Variants in ASTN1 observed in about 807,000 individuals in gnomAD.
ASTN1 encodes astrotactin-1.
ASTN1 carries 41 observed loss-of-function variants against 140.7 expected under a neutral mutation model. The ratio of observed to expected loss-of-function variants is 0.29; its 90% confidence interval spans 0.23 to 0.38. ASTN1 has a LOEUF of 0.38. Among genes scored for constraint, ASTN1 ranks in the 10% least tolerant of loss-of-function variants. The pLI is 1.00. For missense variants in ASTN1, 1,479 were observed against 1,678.8 expected (o/e 0.88, Z 2.08); for synonymous variants, 640 against 652.2 (o/e 0.98, Z 0.29).
At chr1:176,910,152 A>C (rs1169747131) in intron 16 of ASTN1, among the ~76,000 whole-genome samples, 2 of 152,238 alleles carry the variant, frequency 1.3e-5, no homozygotes, top group Non-Finnish European at 2.9e-5. Context: ...TATATTTCCA[A>C]ATTTCTGAGT....
chr1:177,034,598 C>A (rs113348334), intron 2 of ASTN1, among the ~76,000 whole-genome samples: 11 of 152,214 alleles, frequency 7.2e-5, no homozygotes, highest in African/African-American at 1.9e-4. Flanking sequence ...CTCCTGGGAC[C>A]CCCCAGAACA....
At position 177,030,881 on chromosome 1, in the gene ASTN1, A is replaced by C. The variant is rs201743279; in HGVS notation, c.937T>G (p.Ser313Ala). Residue 313 changes from serine (S) to alanine (A), a missense_variant, in exon 4 of 23, where the codon TCC becomes GCC. Ser to Ala is a moderately conservative substitution (Grantham distance 99). Transcript: ENST00000361833. ...DNIIATSPVD[S>A]NHQQATLLSH... ...AGAAGGGTGGCTTGCTGGTGGTTGG[A>C]GTCCACAGGGCTAGTGGCTATAATA... 210 of 1,614,146 alleles carry C rather than the reference A, an allele frequency of 1.3e-4. No individual in the cohort carries two copies. The highest frequency in any genetic ancestry group is 3.3e-4 in the Middle Eastern group (2 of 6,062).
At chr1:177,122,321 C>T (rs985672836) in intron 1 of ASTN1, among the ~76,000 whole-genome samples, 4 of 152,196 alleles carry the variant, frequency 2.6e-5, no homozygotes, top group South Asian at 2.1e-4. Flanking sequence ...GAGCACGATG[C>T]CACCCAAAAC....
chr1:177,115,693 A>G (rs1391680168), intron 1 of ASTN1, among the ~76,000 whole-genome samples: 2 of 151,542 alleles, frequency 1.3e-5, no homozygotes, highest in African/African-American at 4.8e-5. Context: ...TAAATAAATA[A>G]ATAAATGTCA....
At chr1:176,866,772 G>A (rs576901233) in intron 22 of ASTN1, among the ~76,000 whole-genome samples, 4 of 152,262 alleles carry the variant, frequency 2.6e-5, no homozygotes, top group Non-Finnish European at 5.9e-5. Flanking sequence ...TCAATCTGGA[G>A]GCGTCATCAA....
chr1:176,989,795 T>C (rs1478639225), intron 8 of ASTN1, among the ~76,000 whole-genome samples: 1 of 152,124 alleles, frequency 6.6e-6, no homozygotes, highest in African/African-American at 2.4e-5. Flanking sequence ...CATTTCATAA[T>C]GTTGAGCTTC....
intron 1 of ASTN1, among the ~76,000 whole-genome samples, chr1:177,110,294 A>G (rs1381455181): frequency 6.6e-6 from 1 of 152,260 alleles, no homozygotes; most frequent in Non-Finnish European, 1.5e-5. Flanking sequence ...TCAAACAAGG[A>G]CTAAGTTAGA....
At chr1:176,988,866 T>C (rs1450248281) in intron 8 of ASTN1, among the ~76,000 whole-genome samples, 3 of 152,240 alleles carry the variant, frequency 2.0e-5, no homozygotes, top group African/African-American at 7.2e-5. Context: ...ATTTAATGTT[T>C]CTACATATAT....
intron 16 of ASTN1, among the ~76,000 whole-genome samples, chr1:176,910,040 AC>A: frequency 6.6e-6 from 1 of 152,318 alleles, no homozygotes; most frequent in African/African-American, 2.4e-5. Flanking sequence ...TGTGCATGCA[AC>A]CATCCCCCAA....
chr1:176,954,538 T>C (rs1341231986), intron 11 of ASTN1, among the ~76,000 whole-genome samples: 1 of 152,204 alleles, frequency 6.6e-6, no homozygotes. Context: ...TCAATAAATA[T>C]GTGTAACTTA....
At chr1:177,114,767 A>T (rs2102164044) in intron 1 of ASTN1, among the ~76,000 whole-genome samples, 1 of 152,306 alleles carries the variant, frequency 6.6e-6, no homozygotes, top group Non-Finnish European at 1.5e-5. Context: ...TGCCACAAAC[A>T]TATACCTTTT....
At chr1:176,952,013 C>A (rs890767793) in intron 11 of ASTN1, among the ~76,000 whole-genome samples, 4 of 152,096 alleles carry the variant, frequency 2.6e-5, no homozygotes, top group Non-Finnish European at 5.9e-5. Context: ...GATCAGACTT[C>A]GGGCCTAGAT....
rs928305031 is a variant in ASTN1 at position 177,024,584 on chromosome 1, A to G, written c.1269T>C (p.Asp423=). ...TLHVPEHLIA[D]GSRFILLEGS... ...GCATCCTCAGAAGAACAGGCTCACC[A>G]TCAGCAATCAGGTGCTCAGGGACAT... Residue 423 remains aspartate, a splice_region_variant and synonymous_variant, in exon 6 of 23, where the codon GAT becomes GAC. Transcript: ENST00000361833. 2.5e-6 allele frequency: 4 copies of G among 1,613,848 alleles called. No homozygotes were observed. The Admixed American group carries it at 6.7e-5, about 27-fold the overall frequency.
chr1:176,923,381 G>A (rs1670821371), intron 16 of ASTN1, among the ~76,000 whole-genome samples: 1 of 152,122 alleles, frequency 6.6e-6, no homozygotes, highest in South Asian at 2.1e-4. Context: ...ACTGGCTACT[G>A]GCTCAATTGA....
At chr1:177,061,816 A>C (rs1292453964) in intron 1 of ASTN1, among the ~76,000 whole-genome samples, 2 of 152,168 alleles carry the variant, frequency 1.3e-5, no homozygotes, top group African/African-American at 4.8e-5. Flanking sequence ...AGTCCACTGG[A>C]GATGTTTGCT....
chr1:177,008,137 A>T (rs780736424), intron 8 of ASTN1, among the ~76,000 whole-genome samples: 52 of 152,126 alleles, frequency 3.4e-4, no homozygotes, highest in Non-Finnish European at 4.0e-4. Context: ...GTAGATGGAG[A>T]TTTACTTTCA....
intron 16 of ASTN1, among the ~76,000 whole-genome samples, chr1:176,922,928 C>A (rs1204593031): frequency 6.6e-6 from 1 of 152,060 alleles, no homozygotes; most frequent in Non-Finnish European, 1.5e-5. Flanking sequence ...ATATGAGTCC[C>A]AATGCACTGA....
At chr1:177,000,605 T>C (rs1323435887) in intron 8 of ASTN1, among the ~76,000 whole-genome samples, 1 of 152,224 alleles carries the variant, frequency 6.6e-6, no homozygotes, top group African/African-American at 2.4e-5. Context: ...GAGTATATTT[T>C]TCTAATGCAC....
At chr1:176,900,452 TTCTC>T (rs142309530) in intron 16 of ASTN1, among the ~76,000 whole-genome samples, 1 of 150,436 alleles carries the variant, frequency 6.6e-6, no homozygotes, top group Non-Finnish European at 1.5e-5. Context: ...GCTGGTGTGT[TTCTC>T]TCTCTCTCTC....
Sources: allele counts gnomAD v4.1 joint callset (sites outside exome capture counted in the v4.1 genomes callset), GRCh38; gene constraint gnomAD v4.1.1; transcripts MANE v1.5; gene names NCBI Gene and HGNC (gene_info 2026-07-23, HGNC 2026-07-21).